PPP1R18: variants seen among roughly 807,000 people sequenced by gnomAD.
The protein encoded by PPP1R18 is protein phosphatase 1 regulatory subunit 18.
Under a neutral mutation model 54.8 loss-of-function variants are expected in PPP1R18, and 31 were observed. The observed-to-expected ratio is 0.57, with a 90% confidence interval of 0.43 to 0.76. PPP1R18 has a LOEUF of 0.76. PPP1R18 is among the 30% of genes least tolerant of loss of function. PPP1R18 has a pLI of 0.00. For missense variants in PPP1R18, 685 were observed against 776.1 expected (o/e 0.88, Z 1.39); for synonymous variants, 310 against 320.2 (o/e 0.97, Z 0.34).
At position 30,684,587 on chromosome 6, in the gene PPP1R18, G is replaced by T. The variant is rs757192882; in HGVS notation, c.1432C>A (p.Arg478=). ...SGHTFTVNPR[R]SVPPATPATP... ...GCTGGGGTCGCAGGGGGCACAGACC[G>T]CCGGGGGTTGACGGTGAAGGTGTGT... The change falls in exon 1 of 3, where the codon CGG becomes AGG. Residue 478 remains arginine (R), a synonymous_variant. Transcript: ENST00000274853. The surrounding 1 kb of genome is among the most constrained non-coding windows in gnomAD (Gnocchi z 6.0). The T allele has an allele frequency of 3.1e-6, 5 of 1,599,806 alleles. No individual in the cohort carries two copies. Among genetic ancestry groups the T allele is most frequent in the Non-Finnish European group, 4.3e-6 (5 of 1,172,936 alleles).
Position 30,684,483 on chromosome 6 carries a change from G to T in PPP1R18, c.1536C>A (p.Ile512=). ...GKKRYPTAEE[I]LVLGGYLRLS... ...GACGGAGGTAGCCCCCCAGAACCAA[G>T]ATCTCCTCGGCAGTTGGGTACCGCT... The change falls in exon 1 of 3, where the codon ATC becomes ATA. Residue 512 remains isoleucine (I), a synonymous_variant. Coordinates refer to ENST00000274853, the MANE Select transcript of PPP1R18 (RefSeq NM_133471.4). The surrounding 1 kb of genome is among the most constrained non-coding windows in gnomAD (Gnocchi z 6.0). 5.0e-6 allele frequency: 8 copies of T among 1,611,614 alleles called. No homozygotes were observed. Among genetic ancestry groups the T allele is most frequent in the Non-Finnish European group, 5.9e-6 (7 of 1,179,240 alleles).
At chr6:30,679,940 C>T (rs1184932854) in intron 1 of PPP1R18, among the ~76,000 whole-genome samples, 1 of 152,086 alleles carries the variant, frequency 6.6e-6, no homozygotes, top group African/African-American at 2.4e-5. Context: ...ACCCAGGACC[C>T]TGGGCACCTG....
chr6:30,685,787 G>A lies in PPP1R18; in HGVS notation c.232C>T (p.Leu78Phe), dbSNP rs754225398. Reference sequence around the variant, plus strand: ...TGCACTGGCCCGATGGCCTCCAGAAGGACCGCAGACTCATCCGGGTCTGGA... The same window carrying A: ...TGCACTGGCCCGATGGCCTCCAGAAAGACCGCAGACTCATCCGGGTCTGGA... Reference protein sequence around the residue: ...GPPDPDESAVLLEAIGPVHQN... With the variant: ...GPPDPDESAVFLEAIGPVHQN... Residue 78 changes from leucine (L) to phenylalanine (F), a missense_variant, in exon 1 of 3, where the codon CTT becomes TTT. Leu to Phe is a conservative substitution (Grantham distance 22). Coordinates refer to ENST00000274853, the MANE Select transcript of PPP1R18 (RefSeq NM_133471.4). This position sits in a 1 kb window ranked among gnomAD's most constrained non-coding sequence, Gnocchi z 5.0. 4 of 1,613,060 alleles carry A rather than the reference G, an allele frequency of 2.5e-6. No homozygotes were observed. The East Asian group carries it at 8.9e-5, about 36-fold the overall frequency.
chr6:30,685,530 G>C lies in PPP1R18; in HGVS notation c.489C>G (p.Ser163Arg), dbSNP rs1770856150. 1 of 1,612,774 alleles carries C rather than the reference G, an allele frequency of 6.2e-7. No individual in the cohort carries two copies. Among genetic ancestry groups the C allele is most frequent in the Admixed American group, 1.7e-5 (1 of 60,000 alleles). ...RLGIGGAQELSLRPLEARDWR... is the reference protein window; with the variant it reads ...RLGIGGAQELRLRPLEARDWR... ...AGTCCCGAGCCTCCAGAGGCCTCAGGCTCAACTCTTGGGCTCCCCCTATCC... is the reference window on the plus strand; with the variant it reads ...AGTCCCGAGCCTCCAGAGGCCTCAGCCTCAACTCTTGGGCTCCCCCTATCC... The change falls in exon 1 of 3, where the codon AGC becomes AGG. Residue 163 changes from serine to arginine, a missense_variant. Ser to Arg is a moderately radical substitution (Grantham distance 110). Coordinates refer to ENST00000274853, the MANE Select transcript of PPP1R18 (RefSeq NM_133471.4). This position sits in a 1 kb window ranked among gnomAD's most constrained non-coding sequence, Gnocchi z 5.0.
chr6:30,679,351 C>A lies in PPP1R18; in HGVS notation c.1650G>T (p.Thr550=). 1 of 1,573,374 alleles carries A rather than the reference C, an allele frequency of 6.4e-7. No individual in the cohort carries two copies. Among genetic ancestry groups the A allele is most frequent in the Non-Finnish European group, 8.6e-7 (1 of 1,161,238 alleles). Residue 550 remains threonine (T), a synonymous_variant, in exon 2 of 3, where the codon ACG becomes ACT. Transcript: ENST00000274853. ...CCGAACTCTCGGAGGGGTATTGGTACGTGGTCTCCAGGGCTGTCTCGCTGA... is the reference window on the plus strand; with the variant it reads ...CCGAACTCTCGGAGGGGTATTGGTAAGTGGTCTCCAGGGCTGTCTCGCTGA... ...ISFSETALET[T]YQYPSESSVL...
chr6:30,684,994 C>G lies in PPP1R18; in HGVS notation c.1025G>C (p.Arg342Pro). 1.2e-6 allele frequency: 2 copies of G among 1,613,132 alleles called. No homozygotes were observed. The highest frequency in any genetic ancestry group is 1.7e-6 in the Non-Finnish European group (2 of 1,179,970). ...CTCTATGTCCCTGGGTGTCCATTCTCGAGCCTTCCCGGAGTTCAGGGTCCA... is the reference window on the plus strand; with the variant it reads ...CTCTATGTCCCTGGGTGTCCATTCTGGAGCCTTCCCGGAGTTCAGGGTCCA... ...WKWTLNSGKA[R>P]EWTPRDIEAQ... is the part of the protein sequence containing the mutation. The change falls in exon 1 of 3, where the codon CGA becomes CCA. Residue 342 changes from arginine to proline, a missense_variant. By Grantham distance (103) the Arg-to-Pro change is moderately radical. Transcript: ENST00000274853. The surrounding 1 kb of genome is among the most constrained non-coding windows in gnomAD (Gnocchi z 6.0).
At chr6:30,682,235 G>A (rs1427970553) in intron 1 of PPP1R18, among the ~76,000 whole-genome samples, 1 of 151,960 alleles carries the variant, frequency 6.6e-6, no homozygotes, top group Admixed American at 6.6e-5. Flanking sequence ...GGAGTGGGGG[G>A]GTAGAGAGGG....
upstream of PPP1R18, chr6:30,688,391 G>A (rs1771170637): frequency 1.8e-6 from 1 of 547,976 alleles, no homozygotes; most frequent in Non-Finnish European, 3.2e-6. This position sits in a 1 kb window ranked among gnomAD's most constrained non-coding sequence, Gnocchi z 5.9. Flanking sequence ...TTGAGGGGGA[G>A]AGTGTCATGC....
chr6:30,677,303 G>A lies in PPP1R18; in HGVS notation c.1823-15C>T. On this transcript the variant is annotated splice_polypyrimidine_tract_variant and intron_variant, in intron 2 of 2. Transcript: ENST00000274853. ...GCAGGACTCATCTGTGGGAGAGGGG[G>A]CAATAATGTTAGAGAATGAGTGAGA... is the stretch of plus-strand genomic sequence containing the variant. The A allele has an allele frequency of 6.3e-7, 1 of 1,588,098 alleles. No homozygotes were observed. The highest frequency in any genetic ancestry group is 8.5e-7 in the Non-Finnish European group (1 of 1,170,192).
Position 30,686,064 on chromosome 6 carries a change from G to A in PPP1R18, c.-46C>T. Reference sequence around the variant, plus strand: ...AGGGAGCACTGGGGACAGAGAACAGGAAGGAGAGGCTCCAGAGAGTGAGAC... The same window carrying A: ...AGGGAGCACTGGGGACAGAGAACAGAAAGGAGAGGCTCCAGAGAGTGAGAC... On this transcript the variant is annotated 5_prime_UTR_variant, in exon 1 of 3. Coordinates refer to ENST00000274853, the MANE Select transcript of PPP1R18 (RefSeq NM_133471.4). 6.6e-7 allele frequency: 1 copy of A among 1,508,886 alleles called. No homozygotes were observed. The highest frequency in any genetic ancestry group is 8.8e-7 in the Non-Finnish European group (1 of 1,136,674). The allele number at this position is 1,508,886 out of a possible 1,614,324, so 93.5% of individuals were successfully genotyped here.
At chr6:30,680,009 G>A (rs1164645366) in intron 1 of PPP1R18, among the ~76,000 whole-genome samples, 3 of 152,126 alleles carry the variant, frequency 2.0e-5, no homozygotes, top group Admixed American at 1.3e-4. Context: ...TAGGGCCTAG[G>A]AAGAGATGGG....
At chr6:30,682,890 C>A (rs1424869854) in intron 1 of PPP1R18, among the ~76,000 whole-genome samples, 1 of 152,178 alleles carries the variant, frequency 6.6e-6, no homozygotes, top group African/African-American at 2.4e-5. Flanking sequence ...TCTGCTCATT[C>A]TTCCCCAGAG....
intron 1 of PPP1R18, among the ~76,000 whole-genome samples, chr6:30,681,576 TA>T (rs1336503998): frequency 6.6e-6 from 1 of 151,902 alleles, no homozygotes; most frequent in Non-Finnish European, 1.5e-5. Context: ...CCAGCCTGGC[TA>T]ACATGGTGAA....
chr6:30,685,683 T>C lies in PPP1R18; in HGVS notation c.336A>G (p.Arg112=). 6.2e-7 allele frequency: 1 copy of C among 1,613,124 alleles called. No individual in the cohort carries two copies. The highest frequency in any genetic ancestry group is 8.5e-7 in the Non-Finnish European group (1 of 1,180,042). The change falls in exon 1 of 3, where the codon AGA becomes AGG. Residue 112 remains arginine, a synonymous_variant. Transcript: ENST00000274853. This position sits in a 1 kb window ranked among gnomAD's most constrained non-coding sequence, Gnocchi z 5.0. ...CCCGGGCCTCCAGAGGCCCAGGCTT[T>C]CTCTCTGCTAGCAGCTCTTCACTCC... ...QQRSEELLAE[R]KPGPLEARER...
chr6:30,687,582 G>A (rs1387026265), upstream of PPP1R18: 1 of 152,390 alleles, frequency 6.6e-6, no homozygotes, highest in African/African-American at 2.4e-5. The surrounding 1 kb of genome is among the most constrained non-coding windows in gnomAD (Gnocchi z 7.9). Flanking sequence ...CAGCTGCTCC[G>A]AGCGGGGCCC....
In PPP1R18 at chr6:30,684,672, C is replaced by T. The variant is rs888899793; in HGVS notation, c.1347G>A (p.Met449Ile). 6.7e-7 allele frequency: 1 copy of T among 1,492,362 alleles called. No homozygotes were observed. Among genetic ancestry groups the T allele is most frequent in the Admixed American group, 2.3e-5 (1 of 42,636 alleles). 92.4% of individuals were successfully genotyped at this position (1,492,362 alleles called of 1,614,324 possible). Reference protein sequence around the residue: ...TAPQPPGDPLMSRLFYGVKAG... With the variant: ...TAPQPPGDPLISRLFYGVKAG... ...CCTTCACCCCATAGAACAGGCGGCT[C>T]ATGAGGGGATCCCCAGGAGGTTGGG... The change falls in exon 1 of 3, where the codon ATG (methionine) becomes ATA (isoleucine). Residue 449 changes from methionine (M) to isoleucine (I), a missense_variant. Coordinates refer to ENST00000274853, the MANE Select transcript of PPP1R18 (RefSeq NM_133471.4). The surrounding 1 kb of genome is among the most constrained non-coding windows in gnomAD (Gnocchi z 6.0).
chr6:30,679,900 T>C (rs1770441711), intron 1 of PPP1R18, among the ~76,000 whole-genome samples: 1 of 152,068 alleles, frequency 6.6e-6, no homozygotes. Context: ...AAGGTTTTCA[T>C]ACCCACAGCC....
chr6:30,680,677 AG>A (rs1426290125), intron 1 of PPP1R18, among the ~76,000 whole-genome samples: 3 of 152,054 alleles, frequency 2.0e-5, no homozygotes, highest in African/African-American at 2.4e-5. Context: ...AGAAAAAAAA[AG>A]AAAACCAGAT....
intron 2 of PPP1R18, 70 bp from the exon 3 acceptor site, chr6:30,677,358 C>A: frequency 2.9e-6 from 4 of 1,381,614 alleles, no homozygotes; most frequent in Non-Finnish European, 3.0e-6. Context: ...CCTTCCCCCC[C>A]ACACAAATTG....
Sources: gnomAD v4.1 joint callset for allele counts (sites outside exome capture counted in the v4.1 genomes callset) on GRCh38, gnomAD v4.1.1 for gene constraint, Gnocchi (gnomAD v3.1) non-coding constraint, MANE v1.5 for transcripts, NCBI Gene and HGNC (gene_info 2026-07-23, HGNC 2026-07-21) for gene names.